Variants in SHISA9 observed in about 807,000 individuals in gnomAD.
SHISA9 encodes shisa family member 9.
A neutral mutation model predicts 38.0 loss-of-function variants in SHISA9; 13 were observed. The observed-to-expected ratio is 0.34, with a 90% CI of 0.22 to 0.54. SHISA9 has a LOEUF of 0.54. Among genes scored for constraint, SHISA9 ranks in the 20% least tolerant of loss-of-function variants. The pLI is 0.91. For missense variants in SHISA9, 538 were observed against 575.8 expected (o/e 0.93, Z 0.67); for synonymous variants, 275 against 242.0 (o/e 1.14, Z -1.27).
the SHISA9 span, among the ~76,000 whole-genome samples, chr16:13,549,618 GAC>G: frequency 6.6e-6 from 1 of 152,116 alleles, no homozygotes; most frequent in Non-Finnish European, 1.5e-5. Flanking sequence ...CAGTCAAGGT[GAC>G]ACATAAAATT....
chr16:13,390,510 G>A, the SHISA9 span, among the ~76,000 whole-genome samples: 5 of 151,954 alleles, frequency 3.3e-5, no homozygotes, highest in African/African-American at 9.7e-5. Flanking sequence ...CTGTTATTCC[G>A]CCTGTGATCT....
chr16:13,330,508 T>C, the SHISA9 span, among the ~76,000 whole-genome samples: 1 of 152,226 alleles, frequency 6.6e-6, no homozygotes, highest in African/African-American at 2.4e-5. Context: ...GTTCCAGAGA[T>C]ATTCTATGAA....
chr16:13,302,207 G>T, the SHISA9 span, among the ~76,000 whole-genome samples: 2 of 152,098 alleles, frequency 1.3e-5, no homozygotes, highest in Admixed American at 1.3e-4. Context: ...ACAACCTCTT[G>T]TTTGTCCCCC....
chr16:13,080,066 A>T (rs2073629844), intron 2 of SHISA9, among the ~76,000 whole-genome samples: 1 of 152,080 alleles, frequency 6.6e-6, no homozygotes, highest in African/African-American at 2.4e-5. Context: ...GGATTATTGG[A>T]CCATCTTGTA....
the SHISA9 span, among the ~76,000 whole-genome samples, chr16:13,375,915 T>G: frequency 6.6e-6 from 1 of 152,190 alleles, no homozygotes; most frequent in Non-Finnish European, 1.5e-5. Flanking sequence ...TTTGGCAGGC[T>G]GATCCTAAAA....
At chr16:13,439,759 C>T in the SHISA9 span, among the ~76,000 whole-genome samples, 3 of 152,210 alleles carry the variant, frequency 2.0e-5, no homozygotes. Flanking sequence ...AATGTCTCCG[C>T]TGCTGCCAGC....
the SHISA9 span, among the ~76,000 whole-genome samples, chr16:13,482,556 T>G: frequency 1.3e-5 from 2 of 152,100 alleles, no homozygotes; most frequent in Non-Finnish European, 2.9e-5. Flanking sequence ...TCCTAGCACT[T>G]TGGGAGGCTG....
intron 2 of SHISA9, among the ~76,000 whole-genome samples, chr16:13,139,555 T>C (rs1372936975): frequency 6.6e-6 from 1 of 151,870 alleles, no homozygotes; most frequent in Non-Finnish European, 1.5e-5. Context: ...AAGGATTTCC[T>C]GTGGAGTGCC....
At chr16:13,541,057 T>C in the SHISA9 span, among the ~76,000 whole-genome samples, 4 of 152,154 alleles carry the variant, frequency 2.6e-5, no homozygotes, top group African/African-American at 4.8e-5. Context: ...GCAAAATCAA[T>C]GGAGAACTCA....
At chr16:13,476,489 C>A in the SHISA9 span, among the ~76,000 whole-genome samples, 1 of 152,184 alleles carries the variant, frequency 6.6e-6, no homozygotes, top group African/African-American at 2.4e-5. Context: ...AGGACCTAGA[C>A]TGAACCCCTG....
chr16:13,107,506 CACA>C (rs1312976366), intron 2 of SHISA9, among the ~76,000 whole-genome samples: 1 of 129,534 alleles, frequency 7.7e-6, no homozygotes, highest in Non-Finnish European at 1.7e-5. Flanking sequence ...CACACACACA[CACA>C]CACACAGAGT....
chr16:13,379,867 C>A, the SHISA9 span, among the ~76,000 whole-genome samples: 1 of 152,074 alleles, frequency 6.6e-6, no homozygotes. Context: ...TATTAGCTAT[C>A]ATTATAGCTA....
chr16:13,016,636 G>A (rs2072761093), intron 2 of SHISA9, among the ~76,000 whole-genome samples: 1 of 152,000 alleles, frequency 6.6e-6, no homozygotes, highest in African/African-American at 2.4e-5. Flanking sequence ...ATCCTACAAG[G>A]CAAATTAACC....
chr16:13,177,451 T>TG (rs1471607198), intron 2 of SHISA9, among the ~76,000 whole-genome samples: 1 of 151,930 alleles, frequency 6.6e-6, no homozygotes, highest in African/African-American at 2.4e-5. Flanking sequence ...CAAAAATGGG[T>TG]GGGGGAAAAA....
intron 4 of SHISA9, among the ~76,000 whole-genome samples, chr16:13,232,364 C>G (rs961437197): frequency 6.6e-6 from 1 of 152,114 alleles, no homozygotes; most frequent in Non-Finnish European, 1.5e-5. Context: ...AAAGTGTCAG[C>G]AAACCACCAT....
At chr16:13,087,147 C>CTTTTTT (rs956913326) in intron 2 of SHISA9, among the ~76,000 whole-genome samples, 2 of 81,622 alleles carry the variant, frequency 2.5e-5, no homozygotes, top group African/African-American at 4.8e-5. Flanking sequence ...ATGAACTCGT[C>CTTTTTT]TTTTTTTTTT....
chr16:13,162,733 G>A (rs560227432), intron 2 of SHISA9, among the ~76,000 whole-genome samples: 3 of 152,124 alleles, frequency 2.0e-5, no homozygotes, highest in South Asian at 4.2e-4. Flanking sequence ...AGAGAAAGTG[G>A]GAATGAATCT....
intron 2 of SHISA9, among the ~76,000 whole-genome samples, chr16:13,013,381 T>C (rs1289465428): frequency 1.3e-5 from 2 of 152,190 alleles, no homozygotes; most frequent in African/African-American, 4.8e-5. Context: ...TTGTCTGTGA[T>C]ATTCAGAGCC....
At chr16:13,556,818 TC>T in the SHISA9 span, among the ~76,000 whole-genome samples, 1 of 152,188 alleles carries the variant, frequency 6.6e-6, no homozygotes, top group African/African-American at 2.4e-5. Context: ...ACAAATTTTT[TC>T]AATACAGTAT....
Sources: allele counts gnomAD v4.1 joint callset (sites outside exome capture counted in the v4.1 genomes callset), GRCh38; gene constraint gnomAD v4.1.1; transcripts MANE v1.5; gene names NCBI Gene and HGNC (gene_info 2026-07-23, HGNC 2026-07-21).